IQSEC3: variants seen among roughly 807,000 people sequenced by gnomAD.
The protein encoded by IQSEC3 is IQ motif and Sec7 domain ArfGEF 3, also known as IQ motif and SEC7 domain-containing protein 3.
A neutral mutation model predicts 105.4 loss-of-function variants in IQSEC3; 50 were observed. The observed-to-expected ratio is 0.47, with a 90% confidence interval of 0.38 to 0.60. The LOEUF is 0.60. Among genes scored for constraint, IQSEC3 ranks in the 20% least tolerant of loss-of-function variants. The probability of loss-of-function intolerance (pLI) is 0.00; values close to 1 mark genes in which losing one functional copy is unlikely to be tolerated. For missense variants in IQSEC3, 1,415 were observed against 1,630.0 expected (o/e 0.87, Z 2.27); for synonymous variants, 708 against 746.0 (o/e 0.95, Z 0.83).
At chr12:105,049 C>T (rs973060501) in intron 2 of IQSEC3, among the ~76,000 whole-genome samples, 5 of 152,218 alleles carry the variant, frequency 3.3e-5, no homozygotes, top group African/African-American at 1.2e-4. Flanking sequence ...GTCGGTCGGG[C>T]GGTACAGCCG....
intron 5 of IQSEC3, chr12:147,618 G>A (rs1294831351): frequency 6.6e-6 from 1 of 152,174 alleles, no homozygotes; most frequent in African/African-American, 2.4e-5. Flanking sequence ...TCATGACACT[G>A]AAGACCCCTT....
At chr12:135,954 G>T (rs1865750418) in intron 3 of IQSEC3, among the ~76,000 whole-genome samples, 1 of 152,252 alleles carries the variant, frequency 6.6e-6, no homozygotes, top group Admixed American at 6.5e-5. Context: ...TCACAGAGCT[G>T]CATGAGAAAT....
At chr12:93,306 G>A (rs1240629562) in intron 1 of IQSEC3, among the ~76,000 whole-genome samples, 1 of 152,198 alleles carries the variant, frequency 6.6e-6, no homozygotes, top group African/African-American at 2.4e-5. Flanking sequence ...TGGGGTCTGT[G>A]GACAGAAGCA....
intron 5 of IQSEC3, among the ~76,000 whole-genome samples, chr12:142,934 G>T (rs1866092939): frequency 1.3e-5 from 2 of 152,236 alleles, no homozygotes; most frequent in South Asian, 4.1e-4. Flanking sequence ...CTGTCTCTCT[G>T]CTCTGGGGGC....
chr12:135,924 G>A (rs1334691547), intron 3 of IQSEC3, among the ~76,000 whole-genome samples: 3 of 152,248 alleles, frequency 2.0e-5, no homozygotes, highest in Admixed American at 6.5e-5. Context: ...TAACCCAGAT[G>A]AGCTGTGCCC....
chr12:113,133 G>A lies in IQSEC3; in HGVS notation c.624-12500G>A, dbSNP rs552976604. Among the ~76,000 whole-genome samples, 11 of 152,240 alleles carry A rather than the reference G, an allele frequency of 7.2e-5. No homozygotes were observed. In the East Asian group the frequency reaches 7.7e-4, roughly 11 times the overall value. On this transcript the variant is annotated intron_variant, in intron 2 of 13. Coordinates refer to ENST00000538872, the MANE Select transcript of IQSEC3 (RefSeq NM_001170738.2). ...TCCCTCCATGCTGGCAGCTCTTAGC[G>A]TTTATCCTGGGCTTGGATGCAGTTT...
At position 138,852 on chromosome 12, in the gene IQSEC3, A is replaced by T. The variant is rs1555087743; in HGVS notation, c.1489A>T (p.Ile497Leu). 1 of 1,612,166 alleles carries T rather than the reference A, an allele frequency of 6.2e-7. No individual in the cohort carries two copies. The highest frequency in any genetic ancestry group is 1.7e-4 in the Middle Eastern group (1 of 6,058). Reference sequence around the variant, plus strand: ...CACGGTGCAGATCGCCAACCAGAACATATCCGTCTCCTCCTCCACGGCTCT... The same window carrying T: ...CACGGTGCAGATCGCCAACCAGAACTTATCCGTCTCCTCCTCCACGGCTCT... ...DVTVQIANQNISVSSSTALSV... is the reference protein window; with the variant it reads ...DVTVQIANQNLSVSSSTALSV... Residue 497 changes from isoleucine to leucine, a missense_variant, in exon 4 of 14, where the codon ATA (isoleucine) becomes TTA (leucine). Transcript: ENST00000538872. This position sits in a 1 kb window ranked among gnomAD's most constrained non-coding sequence, Gnocchi z 7.1.
chr12:110,131 C>A (rs1206559059), intron 2 of IQSEC3, among the ~76,000 whole-genome samples: 9 of 152,198 alleles, frequency 5.9e-5, no homozygotes, highest in African/African-American at 2.2e-4. Context: ...CCATTTCCTC[C>A]CCTTTGTCTT....
chr12:134,694 G>A (rs920764979), intron 3 of IQSEC3, among the ~76,000 whole-genome samples: 190 of 138,710 alleles, frequency 1.4e-3, no homozygotes, highest in Non-Finnish European at 2.3e-3. Flanking sequence ...CAGGAGTTCA[G>A]GTCCAGCCTG....
intron 5 of IQSEC3, among the ~76,000 whole-genome samples, chr12:155,734 G>A (rs190067530): frequency 7.2e-5 from 11 of 152,276 alleles, no homozygotes; most frequent in Admixed American, 2.6e-4. Flanking sequence ...CTCAGCAGGC[G>A]TTTTCTGTGC....
chr12:71,836 C>G (rs1469872955), intron 1 of IQSEC3, among the ~76,000 whole-genome samples: 4 of 152,264 alleles, frequency 2.6e-5, no homozygotes, highest in Admixed American at 6.5e-5. Context: ...TTCCCCTATC[C>G]CCAGCAGGGA....
In IQSEC3 at chr12:136,652, C is replaced by T. The variant is rs149161702; in HGVS notation, c.904-1615C>T. Among the ~76,000 whole-genome samples the T allele has an allele frequency of 6.4e-3, 969 of 152,168 alleles. 7 individuals carry two copies. The highest frequency in any genetic ancestry group is 9.6e-3 in the Non-Finnish European group (653 of 68,006). ...GGACGTCCCTGTTCTTGCCTTGAGT[C>T]GTTCATCTCAGCGCACCCATCCCGA... On this transcript the variant is annotated intron_variant, in intron 3 of 13. Transcript: ENST00000538872.
chr12:82,190 TTTAG>T (rs1863767621), intron 1 of IQSEC3, among the ~76,000 whole-genome samples: 1 of 152,206 alleles, frequency 6.6e-6, no homozygotes, highest in South Asian at 2.1e-4. Context: ...AAATTGTTAA[TTTAG>T]TTAGGTATGA....
intron 2 of IQSEC3, among the ~76,000 whole-genome samples, chr12:120,336 G>A (rs535395905): frequency 2.0e-5 from 3 of 152,108 alleles, no homozygotes; most frequent in Admixed American, 6.6e-5. Flanking sequence ...GAGAGGGTTC[G>A]GCAGATCTGG....
At chr12:147,894 C>T (rs9651889) in intron 5 of IQSEC3, 58,054 of 152,028 alleles carry the variant, frequency 0.38, 12,503 homozygotes, top group Non-Finnish European at 0.49. Flanking sequence ...AAAGGGCCGA[C>T]GGATGGCTGT....
intron 1 of IQSEC3, among the ~76,000 whole-genome samples, chr12:91,831 C>A (rs1295212760): frequency 2.6e-5 from 4 of 151,934 alleles, no homozygotes; most frequent in African/African-American, 9.7e-5. Context: ...CCTGACTGAC[C>A]CCCAGCTTCC....
At chr12:78,355 T>C (rs1863628953) in intron 1 of IQSEC3, among the ~76,000 whole-genome samples, 1 of 151,844 alleles carries the variant, frequency 6.6e-6, no homozygotes, top group South Asian at 2.1e-4. Flanking sequence ...CCGGGGCTAG[T>C]GTGATGGTGC....
rs1939209030 is a variant in IQSEC3, at chr12:175,444, C to G, written c.*411C>G. On this transcript the variant is annotated 3_prime_UTR_variant, in exon 14 of 14. Coordinates refer to ENST00000538872, the MANE Select transcript of IQSEC3 (RefSeq NM_001170738.2). ...GGCTGGGCCGGCCGGCAGTGGAGCA[C>G]TAGACAGAGTGGCTGGCTCGCAGCC... The G allele has an allele frequency of 5.6e-6, 1 of 178,206 alleles. No individual in the cohort carries two copies. The highest frequency in any genetic ancestry group is 2.4e-5 in the African/African-American group (1 of 42,262). 11.0% of individuals were successfully genotyped at this position (178,206 alleles called of 1,614,324 possible).
intron 1 of IQSEC3, among the ~76,000 whole-genome samples, chr12:84,905 C>T (rs1439066670): frequency 6.6e-6 from 1 of 152,178 alleles, no homozygotes; most frequent in African/African-American, 2.4e-5. Flanking sequence ...GAGGCCACCT[C>T]CTCTGCAGAT....
Sources: gnomAD v4.1 joint callset for allele counts (sites outside exome capture counted in the v4.1 genomes callset) on GRCh38, gnomAD v4.1.1 for gene constraint, Gnocchi (gnomAD v3.1) non-coding constraint, MANE v1.5 for transcripts, NCBI Gene and HGNC (gene_info 2026-07-23, HGNC 2026-07-21) for gene names.